DNAH7: variants seen among roughly 807,000 people sequenced by gnomAD.
DNAH7 encodes the protein dynein axonemal heavy chain 7.
A neutral mutation model predicts 444.6 loss-of-function variants in DNAH7; 397 were observed. The observed-to-expected ratio is 0.89, with a 90% CI of 0.82 to 0.97. DNAH7 has a LOEUF of 0.97. Among genes scored for constraint, DNAH7 ranks in the 50% least tolerant of loss-of-function variants. DNAH7 has a pLI of 0.00. For missense variants in DNAH7, 4,902 were observed against 4,800.8 expected, an observed-to-expected ratio of 1.02 and a Z score of -0.62; for synonymous variants, 1,636 against 1,624.4, an observed-to-expected ratio of 1.01 and a Z score of -0.17.
At chr2:196,032,806 A>G (rs1057261324) in intron 5 of DNAH7, among the ~76,000 whole-genome samples, 2 of 152,240 alleles carry the variant, frequency 1.3e-5, no homozygotes, top group South Asian at 2.1e-4. Flanking sequence ...CCAGACAACA[A>G]TATCACAAGA....
At chr2:195,872,544 C>A in intron 39 of DNAH7, 75 bp from the exon 40 acceptor site, 1 of 919,612 alleles carries the variant, frequency 1.1e-6, no homozygotes, top group Non-Finnish European at 1.6e-6. Context: ...GGATATTTAG[C>A]AGGACCAACA....
intron 5 of DNAH7, among the ~76,000 whole-genome samples, chr2:196,032,130 T>C (rs1215684485): frequency 2.0e-5 from 3 of 152,160 alleles, no homozygotes; most frequent in Non-Finnish European, 4.4e-5. Context: ...TTACATGTGG[T>C]GGCGAGAGAG....
rs1430997018 is a variant in DNAH7 at position 195,886,256 on chromosome 2, G to C, written c.5423C>G (p.Ser1808Cys). The change falls in exon 34 of 65, where the codon TCC becomes TGC. Residue 1808 changes from serine (S) to cysteine (C), a missense_variant. Ser to Cys is a moderately radical substitution (Grantham distance 112). Transcript: ENST00000312428. ...TAAGGACCGGACCAAGTTTGTATCGGAAGTAGGAGATAATTCCTGAAAAGT... is the reference window on the plus strand; with the variant it reads ...TAAGGACCGGACCAAGTTTGTATCGCAAGTAGGAGATAATTCCTGAAAAGT... ...RKHTKELSPT[S>C]DTNLVRSLMN... 3 of 1,611,378 alleles carry C rather than the reference G, an allele frequency of 1.9e-6. No individual in the cohort carries two copies. Among genetic ancestry groups the C allele is most frequent in the South Asian group, 2.2e-5 (2 of 90,248 alleles).
chr2:195,740,462 T>C lies in DNAH7; in HGVS notation c.11868+304A>G, dbSNP rs548110713. Among the ~76,000 whole-genome samples, 29 of 152,116 alleles carry C rather than the reference T, an allele frequency of 1.9e-4. 1 individual carries two copies. The South Asian group carries it at 5.6e-3, about 29-fold the overall frequency. ...ATTTACTGATCAGCTAACAAAAATG[T>C]TGTGACCAAAGAAAGAACCCTGTAT... On this transcript the variant is annotated intron_variant, in intron 64 of 64. Transcript: ENST00000312428.
At chr2:195,759,412 T>C (rs1044129700) in intron 61 of DNAH7, among the ~76,000 whole-genome samples, 3 of 152,176 alleles carry the variant, frequency 2.0e-5, no homozygotes, top group African/African-American at 4.8e-5. Context: ...GTACACACCA[T>C]GGGCCTTGAG....
At chr2:196,012,106 CTT>C (rs1178222491) in intron 10 of DNAH7, among the ~76,000 whole-genome samples, 1 of 152,086 alleles carries the variant, frequency 6.6e-6, no homozygotes, top group East Asian at 1.9e-4. Flanking sequence ...TTCTAAGTAA[CTT>C]TTAGAAATCA....
At position 195,756,219 on chromosome 2, in the gene DNAH7, C is replaced by A. The variant is rs1233288359; in HGVS notation, c.11500G>T (p.Glu3834Ter). The A allele has an allele frequency of 6.2e-7, 1 of 1,613,710 alleles. No homozygotes were observed. The highest frequency in any genetic ancestry group is 1.1e-5 in the South Asian group (1 of 91,054). ...VSSILNVKIPEMWMGKSYPSL... is the reference protein window; with the variant it reads ...VSSILNVKIP The stretch of plus-strand genomic sequence containing the variant: ...GGGTAGGATTTACCCATCCACATTT[C>A]TGGAATTTTGACATTCAAAATGCTG... The change falls in exon 62 of 65, where the codon GAA becomes TAA. Residue 3834 changes from glutamate (E) to a stop codon, truncating the protein, a stop_gained. Transcript: ENST00000312428. LOFTEE classifies it high-confidence loss of function.
At chr2:195,891,203 G>T (rs553791584) in intron 31 of DNAH7, among the ~76,000 whole-genome samples, 1 of 152,136 alleles carries the variant, frequency 6.6e-6, no homozygotes, top group Non-Finnish European at 1.5e-5. Flanking sequence ...AAAAGTGTGG[G>T]AACTTTAAGA....
At position 195,845,547 on chromosome 2, in the gene DNAH7, G is replaced by A. The variant is rs149126964; in HGVS notation, c.8782-382C>T. ...TTCATATGGAACCAATAAAGAGCCC[G>A]AATAGCCAAAGCTATCCTTAGCAAA... On this transcript the variant is annotated intron_variant, in intron 46 of 64. Coordinates refer to ENST00000312428, the MANE Select transcript of DNAH7 (RefSeq NM_018897.3). 8.7e-4 allele frequency among the ~76,000 whole-genome samples: 132 copies of A among 152,258 alleles called. 1 individual carries two copies. The East Asian group carries it at 0.022, about 25-fold the overall frequency.
intron 35 of DNAH7, among the ~76,000 whole-genome samples, chr2:195,882,502 T>C (rs1024971859): frequency 1.3e-5 from 2 of 152,198 alleles, no homozygotes; most frequent in Non-Finnish European, 2.9e-5. Context: ...CCCTTAACAA[T>C]TTTTAGGTGT....
intron 19 of DNAH7, among the ~76,000 whole-genome samples, chr2:195,953,458 G>A (rs1326532340): frequency 6.6e-6 from 1 of 152,198 alleles, no homozygotes; most frequent in Non-Finnish European, 1.5e-5. Flanking sequence ...CAGAACTCAA[G>A]CGCTGTGCTG....
intron 15 of DNAH7, 116 bp from the exon 16 acceptor site, chr2:195,972,582 G>T: frequency 1.4e-6 from 1 of 735,608 alleles, no homozygotes; most frequent in East Asian, 2.7e-5. Context: ...AACACTTTTG[G>T]TTCAAAATCA....
chr2:195,877,681 G>C (rs1174010068), intron 36 of DNAH7, among the ~76,000 whole-genome samples: 3 of 152,176 alleles, frequency 2.0e-5, no homozygotes, highest in Non-Finnish European at 4.4e-5. Flanking sequence ...TAGCACACAT[G>C]CCAGGAGTAC....
At chr2:196,017,079 T>G (rs1300818642) in intron 9 of DNAH7, among the ~76,000 whole-genome samples, 1 of 152,172 alleles carries the variant, frequency 6.6e-6, no homozygotes, top group South Asian at 2.1e-4. Context: ...TGATCTCAGC[T>G]ATCTCAGCTC....
intron 12 of DNAH7, 127 bp downstream of exon 12, chr2:196,000,577 A>T: frequency 2.4e-6 from 2 of 839,556 alleles, no homozygotes; most frequent in African/African-American, 1.8e-5. Context: ...TTTTTAGGAA[A>T]ACTTTCTTAT....
At chr2:195,944,961 A>AGAT (rs1164881607) in intron 19 of DNAH7, among the ~76,000 whole-genome samples, 1 of 151,968 alleles carries the variant, frequency 6.6e-6, no homozygotes, top group Non-Finnish European at 1.5e-5. Context: ...CCTGTACAAC[A>AGAT]GATTGTTCAT....
chr2:195,739,701 AT>A (rs1366957753), intron 64 of DNAH7, among the ~76,000 whole-genome samples: 2 of 152,148 alleles, frequency 1.3e-5, no homozygotes, highest in Non-Finnish European at 2.9e-5. Context: ...ACATTTCCAA[AT>A]TTGCCTACTC....
intron 24 of DNAH7, among the ~76,000 whole-genome samples, chr2:195,912,303 A>ATTTT (rs1178230154): frequency 2.6e-5 from 4 of 152,160 alleles, no homozygotes; most frequent in African/African-American, 9.7e-5. Flanking sequence ...GAGCACAGAA[A>ATTTT]CTGAGTGCTG....
chr2:195,836,540 T>C (rs1312651081), intron 47 of DNAH7, among the ~76,000 whole-genome samples: 1 of 150,586 alleles, frequency 6.6e-6, no homozygotes, highest in Non-Finnish European at 1.5e-5. Context: ...TACGGTCACA[T>C]GGGAGTCATG....
Sources: gnomAD v4.1 joint callset for allele counts (sites outside exome capture counted in the v4.1 genomes callset) on GRCh38, gnomAD v4.1.1 for gene constraint, MANE v1.5 for transcripts, NCBI Gene and HGNC (gene_info 2026-07-23, HGNC 2026-07-21) for gene names.